The following MCC variants were observed in gnomAD, a reference collection of about 807,000 sequenced individuals.
MCC encodes MCC regulator of Wnt signaling pathway, also known as colorectal mutant cancer protein.
A neutral mutation model predicts 116.2 loss-of-function variants in MCC; 90 were observed. That is an observed-to-expected ratio of 0.77 (90% CI 0.65 to 0.92). MCC has a LOEUF of 0.92. Among genes scored for constraint, MCC ranks in the 40% least tolerant of loss-of-function variants. The pLI is 0.00. For synonymous variants in MCC, 578 were observed against 510.5 expected (o/e 1.13, Z -1.78); for missense variants, 1,516 against 1,312.2 (o/e 1.16, Z -2.40).
At chr5:113,052,644 G>C (rs192933285) in intron 15 of MCC, among the ~76,000 whole-genome samples, 5 of 152,132 alleles carry the variant, frequency 3.3e-5, no homozygotes, top group Admixed American at 2.0e-4. Context: ...GAGATGGTGC[G>C]ACCAGGGGGT....
intron 8 of MCC, among the ~76,000 whole-genome samples, chr5:113,097,802 C>T (rs937519687): frequency 9.2e-5 from 14 of 152,144 alleles, no homozygotes; most frequent in African/African-American, 2.2e-4. Context: ...GAAGTATAAA[C>T]GTGAGCCACC....
At chr5:113,027,610 A>G in intron 18 of MCC, 128 bp from the exon 19 acceptor site, 2 of 862,478 alleles carry the variant, frequency 2.3e-6, no homozygotes, top group South Asian at 3.3e-5. Context: ...CCTCTTCGGT[A>G]AGAATCTGAA....
At chr5:113,433,524 G>C in intron 1 of MCC, 2 of 633,944 alleles carry the variant, frequency 3.2e-6, no homozygotes, top group Non-Finnish European at 5.5e-6. Context: ...GGAGTCGCAC[G>C]ACTGTCTCAG....
At chr5:113,410,290 T>C (rs910616951) in intron 1 of MCC, among the ~76,000 whole-genome samples, 1 of 152,248 alleles carries the variant, frequency 6.6e-6, no homozygotes, top group Non-Finnish European at 1.5e-5. Flanking sequence ...TATTATGTTG[T>C]ATCTATACAA....
chr5:113,248,559 T>A (rs150893313), intron 3 of MCC, among the ~76,000 whole-genome samples: 166 of 152,322 alleles, frequency 1.1e-3, no homozygotes, highest in African/African-American at 3.7e-3. Flanking sequence ...ATTCTCAACC[T>A]GTATATGAAG....
chr5:113,186,851 A>G (rs1300038136), intron 3 of MCC, among the ~76,000 whole-genome samples: 1 of 152,132 alleles, frequency 6.6e-6, no homozygotes, highest in Non-Finnish European at 1.5e-5. Flanking sequence ...ATTTGGGAAC[A>G]ATGTCTGCAG....
At position 113,419,860 on chromosome 5, in the gene MCC, G is replaced by A. The variant is rs545621361; in HGVS notation, c.171-34648C>T. On this transcript the variant is annotated intron_variant, in intron 1 of 18. Coordinates refer to ENST00000408903, the MANE Select transcript of MCC (RefSeq NM_001085377.2). Reference sequence around the variant, plus strand: ...CACAACAAGGGGAACATCACACACCGGGGACTGTTGTGGGGTGGGGGGAGG... The same window carrying A: ...CACAACAAGGGGAACATCACACACCAGGGACTGTTGTGGGGTGGGGGGAGG... Among the ~76,000 whole-genome samples the A allele has an allele frequency of 2.2e-4, 30 of 135,508 alleles. No individual in the cohort carries two copies. The South Asian group carries it at 5.7e-3, about 26-fold the overall frequency. 88.9% of individuals were successfully genotyped at this position (135,508 alleles called of 152,430 possible).
At chr5:113,413,392 ATCTGG>A (rs1330237961) in intron 1 of MCC, among the ~76,000 whole-genome samples, 1 of 152,102 alleles carries the variant, frequency 6.6e-6, no homozygotes, top group African/African-American at 2.4e-5. Flanking sequence ...CTGTGAATCC[ATCTGG>A]TCCTGGACTT....
At chr5:113,064,928 GGAGGACT>G (rs1215802750) in intron 13 of MCC, among the ~76,000 whole-genome samples, 1 of 152,138 alleles carries the variant, frequency 6.6e-6, no homozygotes, top group Non-Finnish European at 1.5e-5. Context: ...AGCTGAGGTG[GGAGGACT>G]GCTTGAACTT....
At chr5:113,380,434 T>G (rs559238133) in intron 2 of MCC, among the ~76,000 whole-genome samples, 1 of 152,372 alleles carries the variant, frequency 6.6e-6, no homozygotes, top group East Asian at 1.9e-4. Context: ...CATTATAAGT[T>G]ATTTAGTGTC....
chr5:113,269,676 A>G (rs964112381), intron 3 of MCC, among the ~76,000 whole-genome samples: 1 of 152,182 alleles, frequency 6.6e-6, no homozygotes, highest in Non-Finnish European at 1.5e-5. Flanking sequence ...AAATGTCAAT[A>G]GTTTTTTATT....
intron 1 of MCC, among the ~76,000 whole-genome samples, chr5:113,412,982 A>G (rs936058084): frequency 2.6e-5 from 4 of 152,164 alleles, no homozygotes; most frequent in African/African-American, 7.2e-5. Context: ...TAGCATGAAG[A>G]GTTGTTGAAT....
At chr5:113,101,302 T>C (rs909514943) in intron 8 of MCC, among the ~76,000 whole-genome samples, 12 of 152,106 alleles carry the variant, frequency 7.9e-5, no homozygotes, top group African/African-American at 2.7e-4. Flanking sequence ...CATTCTATAC[T>C]AGATTCAGTA....
chr5:113,486,688 C>T (rs1300109959), intron 1 of MCC, among the ~76,000 whole-genome samples: 1 of 151,904 alleles, frequency 6.6e-6, no homozygotes, highest in Non-Finnish European at 1.5e-5. Context: ...ACTAAAAATA[C>T]GAAAATTAGC....
At chr5:113,070,723 A>C (rs1302831483) in intron 12 of MCC, among the ~76,000 whole-genome samples, 1 of 152,240 alleles carries the variant, frequency 6.6e-6, no homozygotes, top group Non-Finnish European at 1.5e-5. Flanking sequence ...AGACTATTAA[A>C]AGCAACATTT....
At chr5:113,181,729 T>C (rs1179712123) in intron 3 of MCC, among the ~76,000 whole-genome samples, 3 of 152,156 alleles carry the variant, frequency 2.0e-5, no homozygotes, top group African/African-American at 7.2e-5. Context: ...ATGAAGATCA[T>C]CTGCCTGGAG....
intron 1 of MCC, among the ~76,000 whole-genome samples, chr5:113,469,243 C>G (rs902815986): frequency 1.3e-5 from 2 of 151,982 alleles, no homozygotes; most frequent in Admixed American, 6.6e-5. Context: ...TGTGTTTGCT[C>G]TTGCTTTTCT....
At chr5:113,168,130 C>A (rs1760872840) in intron 3 of MCC, among the ~76,000 whole-genome samples, 1 of 152,114 alleles carries the variant, frequency 6.6e-6, no homozygotes, top group Admixed American at 6.6e-5. Flanking sequence ...TATAAAGCAA[C>A]AAAGTTATGC....
chr5:113,171,976 G>A (rs1375981888), intron 3 of MCC, among the ~76,000 whole-genome samples: 2 of 152,148 alleles, frequency 1.3e-5, no homozygotes, highest in African/African-American at 4.8e-5. Context: ...AAAGTAAAAT[G>A]GAAAGCTATC....
Sources: allele counts gnomAD v4.1 joint callset (sites outside exome capture counted in the v4.1 genomes callset), GRCh38; gene constraint gnomAD v4.1.1; transcripts MANE v1.5; gene names NCBI Gene and HGNC (gene_info 2026-07-23, HGNC 2026-07-21).